Variants in OR1J2 observed in about 807,000 individuals in gnomAD.
OR1J2 encodes the protein olfactory receptor 1J2.
For synonymous variants in OR1J2, 142 were observed against 99.7 expected, an observed-to-expected ratio of 1.42 and a Z score of -2.52; for missense variants, 304 against 246.1, an observed-to-expected ratio of 1.24 and a Z score of -1.57.
the OR1J2 span, among the ~76,000 whole-genome samples, chr9:122,557,300 C>T: frequency 1.3e-5 from 2 of 151,920 alleles, no homozygotes; most frequent in African/African-American, 4.8e-5. Flanking sequence ...TGCCTTGTTC[C>T]TGATCTTAGT....
chr9:122,533,543 C>T, the OR1J2 span, among the ~76,000 whole-genome samples: 1 of 151,866 alleles, frequency 6.6e-6, no homozygotes, highest in Non-Finnish European at 1.5e-5. Flanking sequence ...GAGAAGGCGG[C>T]AATGAGGTGT....
chr9:122,579,164 TATA>T, the OR1J2 span, among the ~76,000 whole-genome samples: 12 of 152,072 alleles, frequency 7.9e-5, no homozygotes, highest in Non-Finnish European at 1.2e-4. Context: ...TTGGTTAAAT[TATA>T]ATATGTTGAT....
chr9:122,467,685 A>G, the OR1J2 span, among the ~76,000 whole-genome samples: 1 of 152,220 alleles, frequency 6.6e-6, no homozygotes, highest in African/African-American at 2.4e-5. Flanking sequence ...AACTTATTAT[A>G]AAAGAATATA....
chr9:122,500,052 C>T, the OR1J2 span, among the ~76,000 whole-genome samples: 1 of 152,222 alleles, frequency 6.6e-6, no homozygotes, highest in African/African-American at 2.4e-5. Flanking sequence ...GAGGTCGTTA[C>T]TGTGTTCTAG....
At chr9:122,457,268 G>T in the OR1J2 span, among the ~76,000 whole-genome samples, 1 of 152,096 alleles carries the variant, frequency 6.6e-6, no homozygotes, top group African/African-American at 2.4e-5. Context: ...TAACGTACAT[G>T]AGGCTTAATA....
chr9:122,556,895 CTTCA>C, the OR1J2 span, among the ~76,000 whole-genome samples: 1 of 150,304 alleles, frequency 6.7e-6, no homozygotes, highest in East Asian at 2.0e-4. Flanking sequence ...TGGAATATCT[CTTCA>C]TTTATTTAGT....
At chr9:122,563,656 CT>C in the OR1J2 span, among the ~76,000 whole-genome samples, 2 of 152,182 alleles carry the variant, frequency 1.3e-5, no homozygotes, top group African/African-American at 2.4e-5. Flanking sequence ...GTTGTCTATG[CT>C]TTTAAGGTCT....
chr9:122,514,029 G>A (rs1828670000), downstream of OR1J2, among the ~76,000 whole-genome samples: 1 of 152,076 alleles, frequency 6.6e-6, no homozygotes, highest in Admixed American at 6.5e-5. Flanking sequence ...TGCAAACATG[G>A]TGACAATAAA....
the OR1J2 span, among the ~76,000 whole-genome samples, chr9:122,498,403 T>C: frequency 3.3e-5 from 5 of 152,220 alleles, no homozygotes; most frequent in Non-Finnish European, 7.3e-5. Flanking sequence ...CTAAAATCTT[T>C]ATTCTGCTTG....
At chr9:122,566,135 G>A in the OR1J2 span, among the ~76,000 whole-genome samples, 2 of 152,186 alleles carry the variant, frequency 1.3e-5, no homozygotes, top group South Asian at 2.1e-4. Context: ...AAAAGCTTTG[G>A]ACCTAGAATG....
chr9:122,529,131 T>C, the OR1J2 span, among the ~76,000 whole-genome samples: 2 of 152,212 alleles, frequency 1.3e-5, no homozygotes, highest in African/African-American at 4.8e-5. Flanking sequence ...CTCAGGGTTT[T>C]ACAACTTTTC....
chr9:122,469,456 A>C, the OR1J2 span, among the ~76,000 whole-genome samples: 397 of 152,296 alleles, frequency 2.6e-3, no homozygotes, highest in Admixed American at 6.0e-3. Context: ...AGGCCTCCCC[A>C]GTCATGGGGA....
chr9:122,497,985 C>T, the OR1J2 span, among the ~76,000 whole-genome samples: 42 of 151,464 alleles, frequency 2.8e-4, 1 homozygote, highest in South Asian at 8.3e-3. Context: ...AATTGTGTGG[C>T]TTTGAGAAAT....
At chr9:122,477,890 G>C in the OR1J2 span, 1 of 1,611,066 alleles carries the variant, frequency 6.2e-7, no homozygotes. Context: ...CCCAGGAGGA[G>C]GAACTCGGAC....
At chr9:122,510,600 T>C (rs1266677591), upstream of OR1J2, among the ~76,000 whole-genome samples, 3 of 152,122 alleles carry the variant, frequency 2.0e-5, no homozygotes, top group Non-Finnish European at 1.5e-5. Context: ...TCCCATCGTC[T>C]AGGCATTAAG....
the OR1J2 span, among the ~76,000 whole-genome samples, chr9:122,552,328 G>A: frequency 6.6e-6 from 1 of 152,156 alleles, no homozygotes; most frequent in East Asian, 1.9e-4. Context: ...AAACCAAAAA[G>A]TCAGGGCGAT....
upstream of OR1J2, among the ~76,000 whole-genome samples, chr9:122,508,136 GA>G (rs1828562590): frequency 1.4e-5 from 2 of 145,550 alleles, no homozygotes; most frequent in Non-Finnish European, 3.0e-5. Flanking sequence ...GGGAGAGAGA[GA>G]GAGGGAGAGA....
chr9:122,551,627 G>A, the OR1J2 span, among the ~76,000 whole-genome samples: 13,859 of 152,070 alleles, frequency 0.091, 925 homozygotes, highest in East Asian at 0.33. Flanking sequence ...CCAGCAAGAG[G>A]CTTCAGAATC....
chr9:122,526,322 C>T, the OR1J2 span: 1 of 1,331,528 alleles, frequency 7.5e-7, no homozygotes, highest in Non-Finnish European at 1.0e-6. Flanking sequence ...TGACTCCAAG[C>T]CTATGTCTTT....
Sources: gnomAD v4.1 joint callset for allele counts (sites outside exome capture counted in the v4.1 genomes callset) on GRCh38, gnomAD v4.1.1 for gene constraint, MANE v1.5 for transcripts, NCBI Gene and HGNC (gene_info 2026-07-23, HGNC 2026-07-21) for gene names.